Variants in ZNF366 observed in about 807,000 individuals in gnomAD.
ZNF366 encodes the protein zinc finger protein 366.
A neutral mutation model predicts 47.2 loss-of-function variants in ZNF366; 20 were observed. That is an observed-to-expected ratio of 0.42 (90% CI 0.30 to 0.62). The LOEUF (loss-of-function observed/expected upper bound fraction) is 0.62. Ranked by LOEUF, ZNF366 falls within the 20% of genes least tolerant of loss-of-function variation. ZNF366 has a pLI of 0.16. For missense variants in ZNF366, 987 were observed against 976.3 expected (o/e 1.01, Z -0.15); for synonymous variants, 421 against 395.1 (o/e 1.07, Z -0.78).
At chr5:72,493,658 C>T (rs1744055589) in intron 1 of ZNF366, 2 of 152,232 alleles carry the variant, frequency 1.3e-5, no homozygotes, top group East Asian at 1.9e-4. Context: ...GATCAAGGAC[C>T]TCCTGTAAGT....
At chr5:72,504,087 G>A (rs10066094) in intron 1 of ZNF366, among the ~76,000 whole-genome samples, 26,342 of 151,462 alleles carry the variant, frequency 0.17, 2,505 homozygotes, top group East Asian at 0.38. Flanking sequence ...ACACATGCGC[G>A]CGCACACACG....
intron 1 of ZNF366, among the ~76,000 whole-genome samples, chr5:72,498,087 G>T (rs1273444026): frequency 6.6e-6 from 1 of 151,498 alleles, no homozygotes; most frequent in Non-Finnish European, 1.5e-5. Context: ...AAATGTTAAG[G>T]CCTCTGCGTA....
At chr5:72,471,535 T>C (rs1243614315) in intron 1 of ZNF366, among the ~76,000 whole-genome samples, 2 of 152,122 alleles carry the variant, frequency 1.3e-5, no homozygotes, top group Non-Finnish European at 2.9e-5. Context: ...GGAGGAAGGT[T>C]TGGGAGTGAA....
At chr5:72,447,624 AG>A (rs1180369618) in intron 3 of ZNF366, among the ~76,000 whole-genome samples, 1 of 152,262 alleles carries the variant, frequency 6.6e-6, no homozygotes, top group Non-Finnish European at 1.5e-5. Flanking sequence ...TGGATTTCAG[AG>A]ATCTTTAAAT....
At chr5:72,448,174 T>TA (rs552569335) in intron 3 of ZNF366, among the ~76,000 whole-genome samples, 9 of 152,274 alleles carry the variant, frequency 5.9e-5, no homozygotes, top group South Asian at 4.1e-4. Flanking sequence ...ATTTCAAAGA[T>TA]AAAAAAATGA....
chr5:72,470,846 C>G (rs1477493593), intron 1 of ZNF366, among the ~76,000 whole-genome samples: 1 of 152,208 alleles, frequency 6.6e-6, no homozygotes, highest in East Asian at 1.9e-4. Flanking sequence ...TGGGGTAGTG[C>G]TCCTCAGAAT....
chr5:72,449,694 A>G (rs1429819882), intron 3 of ZNF366, among the ~76,000 whole-genome samples: 1 of 152,316 alleles, frequency 6.6e-6, no homozygotes, highest in South Asian at 2.1e-4. Flanking sequence ...TTTGGTTCAG[A>G]TATGTTCTCA....
At chr5:72,458,877 C>T (rs978475262) in intron 2 of ZNF366, among the ~76,000 whole-genome samples, 2 of 152,172 alleles carry the variant, frequency 1.3e-5, no homozygotes, top group Non-Finnish European at 2.9e-5. Context: ...GCTGTTTCTC[C>T]CATTTTGACT....
chr5:72,457,243 A>C (rs972973306), intron 2 of ZNF366, among the ~76,000 whole-genome samples: 1 of 152,206 alleles, frequency 6.6e-6, no homozygotes, highest in Admixed American at 6.5e-5. Flanking sequence ...TTTCTGAATT[A>C]AGGAACAGGA....
rs1168299683 is a variant in ZNF366, at chr5:72,499,891, C to T, written c.-15+7360G>A. On this transcript the variant is annotated intron_variant, in intron 1 of 4. Coordinates refer to ENST00000318442, the MANE Select transcript of ZNF366 (RefSeq NM_152625.3). ...ATCCAGGCAGAGGCCCCATTTTGTCCAGGCTTCAGCAAACCAGAGGCGATT... is the reference window on the plus strand; with the variant it reads ...ATCCAGGCAGAGGCCCCATTTTGTCTAGGCTTCAGCAAACCAGAGGCGATT... Among the ~76,000 whole-genome samples the T allele has an allele frequency of 4.6e-5, 7 of 152,280 alleles. No individual in the cohort carries two copies. In the South Asian group the frequency reaches 1.2e-3, roughly 27 times the overall value.
At chr5:72,451,293 T>C (rs941525338) in intron 3 of ZNF366, among the ~76,000 whole-genome samples, 1 of 152,230 alleles carries the variant, frequency 6.6e-6, no homozygotes, top group Non-Finnish European at 1.5e-5. Flanking sequence ...TCTCAGCTTC[T>C]CCATCCACCC....
intron 1 of ZNF366, among the ~76,000 whole-genome samples, chr5:72,468,423 C>T (rs74488193): frequency 2.0e-5 from 3 of 152,302 alleles, no homozygotes; most frequent in East Asian, 3.9e-4. Flanking sequence ...CCAGAAAATA[C>T]GATTTGGTGA....
At position 72,499,386 on chromosome 5, in the gene ZNF366, T is replaced by A. The variant is rs1158050108; in HGVS notation, c.-15+7865A>T. On this transcript the variant is annotated intron_variant, in intron 1 of 4. Coordinates refer to ENST00000318442, the MANE Select transcript of ZNF366 (RefSeq NM_152625.3). ...GATCTCTGAAAAGCCAGGTAGGAGG[T>A]GAGATTCTGGATATGCCTGCCAGCA... Among the ~76,000 whole-genome samples, 3 of 151,690 alleles carry A rather than the reference T, an allele frequency of 2.0e-5. No individual in the cohort carries two copies. The East Asian group carries it at 5.8e-4, about 29-fold the overall frequency.
Position 72,444,280 on chromosome 5 carries a change from C to G in ZNF366, c.1711G>C (p.Gly571Arg), listed in dbSNP as rs767197024. The G allele has an allele frequency of 1.2e-6, 2 of 1,610,098 alleles. No individual in the cohort carries two copies. Among genetic ancestry groups the G allele is most frequent in the Non-Finnish European group, 1.7e-6 (2 of 1,178,060 alleles). The change falls in exon 5 of 5, where the codon GGG becomes CGG. Residue 571 changes from glycine to arginine, a missense_variant. Physicochemically the swap from Gly to Arg is moderately radical, Grantham distance 125. This residue lies in a region of ZNF366 where 285 missense variants were observed against 234.8 expected (regional missense o/e 1.21). Transcript: ENST00000318442. Reference sequence around the variant, plus strand: ...GCTGTCTGTGCCAGGGCGATTCTCCCCCTTCCCAGACCTGCAAGAGCAGAG... The same window carrying G: ...GCTGTCTGTGCCAGGGCGATTCTCCGCCTTCCCAGACCTGCAAGAGCAGAG... ...RGLHSQGLGRGRIALAQTAGV... is the reference protein window; with the variant it reads ...RGLHSQGLGRRRIALAQTAGV...
intron 1 of ZNF366, among the ~76,000 whole-genome samples, chr5:72,497,112 T>A (rs1252239458): frequency 2.6e-5 from 4 of 152,186 alleles, no homozygotes; most frequent in Admixed American, 2.0e-4. Context: ...TATAACGGTA[T>A]CTTTTTCTTG....
rs140307670 is a variant in ZNF366, at chr5:72,479,774, G to A, written c.-14-18264C>T. Among the ~76,000 whole-genome samples the A allele has an allele frequency of 4.2e-3, 646 of 152,358 alleles. 6 individuals are homozygous for A. Among genetic ancestry groups the A allele is most frequent in the African/African-American group, 0.015 (619 of 41,584 alleles). On this transcript the variant is annotated intron_variant, in intron 1 of 4. Transcript: ENST00000318442. ...TCTGGCTTATTTAAGTTGCATGAGT[G>A]TGTGTGCACAAGCATGTGTAATCTC...
Position 72,460,389 on chromosome 5 carries a change from A to G in ZNF366, c.1108T>C (p.Cys370Arg), listed in dbSNP as rs1743276602. 1 of 1,614,026 alleles carries G rather than the reference A, an allele frequency of 6.2e-7. No homozygotes were observed. Among genetic ancestry groups the G allele is most frequent in the Non-Finnish European group, 8.5e-7 (1 of 1,179,980 alleles). The change falls in exon 2 of 5, where the codon TGC becomes CGC. Residue 370 changes from cysteine (C) to arginine (R), a missense_variant. Coordinates refer to ENST00000318442, the MANE Select transcript of ZNF366 (RefSeq NM_152625.3). ...ASGRENICVE[C>R]GLDFPTLAQL... ...GCCAAGGTGGGGAAGTCGAGGCCGC[A>G]CTCCACACAGATGTTCTCGCGCCCA...
Position 72,491,154 on chromosome 5 carries a change from A to G in ZNF366, c.-15+16097T>C, listed in dbSNP as rs1443221898. Among the ~76,000 whole-genome samples, 10 of 152,248 alleles carry G rather than the reference A, an allele frequency of 6.6e-5. 1 individual carries two copies. The highest frequency in any genetic ancestry group is 6.5e-4 in the Admixed American group (10 of 15,290). The stretch of plus-strand genomic sequence containing the variant: ...AAAGAACTCCTAGACATTCCTTGAT[A>G]GTATGCAAGTTGGCCTAGTACAAGT... On this transcript the variant is annotated intron_variant, in intron 1 of 4. Transcript: ENST00000318442.
At chr5:72,500,796 T>C (rs1744198759) in intron 1 of ZNF366, among the ~76,000 whole-genome samples, 1 of 152,214 alleles carries the variant, frequency 6.6e-6, no homozygotes, top group African/African-American at 2.4e-5. Context: ...CTTGTTAAAA[T>C]GCTGATTCTG....
Sources: gnomAD v4.1 joint callset for allele counts (sites outside exome capture counted in the v4.1 genomes callset) on GRCh38, gnomAD v4.1.1 for gene constraint, gnomAD v4.1.1 regional missense constraint, MANE v1.5 for transcripts, NCBI Gene and HGNC (gene_info 2026-07-23, HGNC 2026-07-21) for gene names.